The following KIAA1328 variants were observed in gnomAD, a reference collection of about 807,000 sequenced individuals.
The protein encoded by KIAA1328 is KIAA1328, also known as protein hinderin.
A neutral mutation model predicts 68.1 loss-of-function variants in KIAA1328; 52 were observed. The ratio of observed to expected loss-of-function variants is 0.76; its 90% CI spans 0.61 to 0.96. The LOEUF is 0.96. Ranked by LOEUF, KIAA1328 falls within the 40% of genes least tolerant of loss-of-function variation. KIAA1328 has a pLI of 0.00. For missense variants in KIAA1328, 641 were observed against 677.6 expected, an observed-to-expected ratio of 0.95 and a Z score of 0.60; for synonymous variants, 232 against 239.4, an observed-to-expected ratio of 0.97 and a Z score of 0.28.
intron 3 of KIAA1328, among the ~76,000 whole-genome samples, chr18:36,842,345 G>A (rs1568064394): frequency 6.6e-6 from 1 of 152,108 alleles, no homozygotes; most frequent in Admixed American, 6.6e-5. Flanking sequence ...TACTTGCCAG[G>A]GTAAGGAACT....
chr18:36,884,669 T>TA (rs2048438542), intron 4 of KIAA1328, among the ~76,000 whole-genome samples: 1 of 152,226 alleles, frequency 6.6e-6, no homozygotes, highest in Non-Finnish European at 1.5e-5. Context: ...GGGTTTCACT[T>TA]ACACCTATTC....
chr18:36,965,769 AATTTT>A (rs998006554), intron 6 of KIAA1328, among the ~76,000 whole-genome samples: 7 of 151,394 alleles, frequency 4.6e-5, no homozygotes, highest in African/African-American at 1.7e-4. Flanking sequence ...AATTTTATCT[AATTTT>A]ATTTTGTTCT....
intron 9 of KIAA1328, among the ~76,000 whole-genome samples, chr18:37,199,991 G>T (rs188031823): frequency 8.1e-4 from 123 of 152,338 alleles, no homozygotes; most frequent in Admixed American, 1.5e-3. Flanking sequence ...GTTAGATAAG[G>T]TATAAGTTGG....
intron 7 of KIAA1328, among the ~76,000 whole-genome samples, chr18:37,101,794 A>T (rs938160047): frequency 6.6e-6 from 1 of 152,156 alleles, no homozygotes; most frequent in African/African-American, 2.4e-5. Context: ...ACAAAGGGAA[A>T]CCCATCAGAC....
chr18:37,010,610 T>G (rs1227379365), intron 6 of KIAA1328, among the ~76,000 whole-genome samples: 1 of 152,124 alleles, frequency 6.6e-6, no homozygotes, highest in African/African-American at 2.4e-5. Context: ...AACAAAGTGC[T>G]TTAGTCTTCA....
intron 7 of KIAA1328, among the ~76,000 whole-genome samples, chr18:37,109,732 C>A (rs1272427482): frequency 6.6e-6 from 1 of 152,126 alleles, no homozygotes; most frequent in Non-Finnish European, 1.5e-5. Flanking sequence ...AGACAGAGTA[C>A]TGGTGGTTCT....
chr18:37,122,828 A>C (rs2058305337), intron 7 of KIAA1328, among the ~76,000 whole-genome samples: 1 of 152,120 alleles, frequency 6.6e-6, no homozygotes, highest in African/African-American at 2.4e-5. Flanking sequence ...AGAGCTTGAG[A>C]AGTGAAGGAA....
chr18:37,117,142 C>T (rs2058132799), intron 7 of KIAA1328, among the ~76,000 whole-genome samples: 1 of 151,902 alleles, frequency 6.6e-6, no homozygotes, highest in Non-Finnish European at 1.5e-5. Flanking sequence ...ACCATTTGAC[C>T]CGGCCATCCC....
intron 6 of KIAA1328, among the ~76,000 whole-genome samples, chr18:37,039,580 T>C (rs1444974621): frequency 6.6e-6 from 1 of 151,996 alleles, no homozygotes; most frequent in Admixed American, 6.6e-5. Flanking sequence ...GCCCAGCTAA[T>C]TTTTGTATTT....
At chr18:37,032,688 C>G (rs1476362671) in intron 6 of KIAA1328, among the ~76,000 whole-genome samples, 2 of 151,992 alleles carry the variant, frequency 1.3e-5, no homozygotes, top group Non-Finnish European at 1.5e-5. Flanking sequence ...GTTGCCCAGG[C>G]CAGAGTACAA....
intron 5 of KIAA1328, among the ~76,000 whole-genome samples, chr18:36,926,030 C>T (rs574959349): frequency 6.6e-6 from 1 of 151,634 alleles, no homozygotes; most frequent in African/African-American, 2.4e-5. Context: ...TTCTCTGAAA[C>T]CTTCAGATTT....
intron 6 of KIAA1328, among the ~76,000 whole-genome samples, chr18:36,967,400 C>A (rs142286891): frequency 1.3e-5 from 2 of 152,324 alleles, no homozygotes; most frequent in Non-Finnish European, 2.9e-5. Context: ...CAAATTAGAT[C>A]ACAGCTCAGC....
At chr18:36,945,074 T>C (rs1452460191) in intron 5 of KIAA1328, among the ~76,000 whole-genome samples, 2 of 152,212 alleles carry the variant, frequency 1.3e-5, no homozygotes, top group African/African-American at 4.8e-5. Flanking sequence ...AGCTTTTGGC[T>C]CAGGGATTGT....
intron 3 of KIAA1328, among the ~76,000 whole-genome samples, chr18:36,839,644 A>G (rs969799920): frequency 6.6e-6 from 1 of 152,028 alleles, no homozygotes; most frequent in African/African-American, 2.4e-5. Context: ...GACAGTATGC[A>G]TTTTGCCTTT....
At chr18:37,028,452 A>G (rs2054684798) in intron 6 of KIAA1328, among the ~76,000 whole-genome samples, 2 of 152,044 alleles carry the variant, frequency 1.3e-5, no homozygotes, top group Admixed American at 6.6e-5. Flanking sequence ...TTTTCTAGAT[A>G]TAAAAACATA....
chr18:37,075,775 A>G (rs2056707525), intron 7 of KIAA1328: 1 of 152,234 alleles, frequency 6.6e-6, no homozygotes, highest in Non-Finnish European at 1.5e-5. Flanking sequence ...TTCAACAAGA[A>G]GAGCTAACTA....
Position 37,096,988 on chromosome 18 carries a change from G to A in KIAA1328, c.1232+29443G>A, listed in dbSNP as rs548231172. Among the ~76,000 whole-genome samples, 4 of 151,862 alleles carry A rather than the reference G, an allele frequency of 2.6e-5. No individual in the cohort carries two copies. The South Asian group carries it at 6.3e-4, about 24-fold the overall frequency. ...TCTGGATATTAGCCCTTTCTCAGATGAGTAGATTGCAAAAATTTTCTCCCA... is the reference window on the plus strand; with the variant it reads ...TCTGGATATTAGCCCTTTCTCAGATAAGTAGATTGCAAAAATTTTCTCCCA... On this transcript the variant is annotated intron_variant, in intron 7 of 9. Coordinates refer to ENST00000280020, the MANE Select transcript of KIAA1328 (RefSeq NM_020776.3).
chr18:36,888,235 A>T (rs2048566633), intron 5 of KIAA1328, among the ~76,000 whole-genome samples: 2 of 152,144 alleles, frequency 1.3e-5, no homozygotes, highest in African/African-American at 4.8e-5. Flanking sequence ...AGCCATACTC[A>T]TTCCTTTATG....
At chr18:36,952,954 T>C (rs1413591096) in intron 5 of KIAA1328, among the ~76,000 whole-genome samples, 1 of 150,308 alleles carries the variant, frequency 6.7e-6, no homozygotes, top group African/African-American at 2.5e-5. Flanking sequence ...GACTGAGTAA[T>C]AGTAGAAAGA....
Sources: gnomAD v4.1 joint callset for allele counts (sites outside exome capture counted in the v4.1 genomes callset) on GRCh38, gnomAD v4.1.1 for gene constraint, MANE v1.5 for transcripts, NCBI Gene and HGNC (gene_info 2026-07-23, HGNC 2026-07-21) for gene names.